Variants in KLK5 observed in about 807,000 individuals in gnomAD.
The protein encoded by KLK5 is kallikrein related peptidase 5.
A neutral mutation model predicts 24.0 loss-of-function variants in KLK5; 18 were observed. The ratio of observed to expected loss-of-function variants is 0.75; its 90% CI spans 0.52 to 1.11. The LOEUF (loss-of-function observed/expected upper bound fraction) is 1.11. Among genes scored for constraint, KLK5 ranks in the 50% most tolerant of loss-of-function variants. The pLI is 0.00. For missense variants in KLK5, 374 were observed against 379.2 expected, an observed-to-expected ratio of 0.99 and a Z score of 0.11; for synonymous variants, 140 against 154.0, an observed-to-expected ratio of 0.91 and a Z score of 0.67.
intron 2 of KLK5, among the ~76,000 whole-genome samples, chr19:50,951,169 A>G (rs1444102317): frequency 3.9e-5 from 6 of 152,058 alleles, no homozygotes; most frequent in Non-Finnish European, 7.4e-5. Flanking sequence ...TGCCTTCTCA[A>G]TCCTGTCAAT....
At chr19:50,948,420 G>T (rs1282308449) in intron 5 of KLK5, among the ~76,000 whole-genome samples, 1 of 152,092 alleles carries the variant, frequency 6.6e-6, no homozygotes, top group Non-Finnish European at 1.5e-5. Flanking sequence ...ACTGCGCCCA[G>T]CCTTTTTTAC....
chr19:50,946,752 G>C (rs976401806), intron 5 of KLK5, among the ~76,000 whole-genome samples: 1 of 151,882 alleles, frequency 6.6e-6, no homozygotes, highest in Non-Finnish European at 1.5e-5. Flanking sequence ...GTAGAGACAG[G>C]GTTTCACCGT....
At chr19:50,952,521 G>T in intron 2 of KLK5, 64 bp downstream of exon 2, 2 of 1,249,726 alleles carry the variant, frequency 1.6e-6, no homozygotes, top group Non-Finnish European at 1.1e-6. Context: ...GGGGACAGGC[G>T]CTCTAGTGCC....
At chr19:50,950,620 G>A (rs113604991) in intron 2 of KLK5, among the ~76,000 whole-genome samples, 2,656 of 152,116 alleles carry the variant, frequency 0.017, 43 homozygotes, top group African/African-American at 0.037. Flanking sequence ...GGCTGGGGGC[G>A]GTGGCTCACG....
At position 50,949,096 on chromosome 19, in the gene KLK5, C is replaced by T. The variant is rs776255261; in HGVS notation, c.355G>A (p.Gly119Ser). The T allele has an allele frequency of 3.3e-5, 54 of 1,612,474 alleles. No homozygotes were observed. Among genetic ancestry groups the T allele is most frequent in the Middle Eastern group, 1.8e-4 (1 of 5,610 alleles). Residue 119 changes from glycine (G) to serine (S), a missense_variant, in exon 4 of 6, where the codon GGC becomes AGC. Coordinates refer to ENST00000336334, the MANE Select transcript of KLK5 (RefSeq NM_012427.5). Reference protein sequence around the residue: ...CRKKVFRVRLGHYSLSPVYES... With the variant: ...CRKKVFRVRLSHYSLSPVYES... ...TAAACTGGTGACAGGGAGTAGTGGCCGAGACGGACTCTGAAAACTCTGAGG... is the reference window on the plus strand; with the variant it reads ...TAAACTGGTGACAGGGAGTAGTGGCTGAGACGGACTCTGAAAACTCTGAGG...
At chr19:50,946,117 G>A (rs1054714468) in intron 5 of KLK5, among the ~76,000 whole-genome samples, 5 of 152,230 alleles carry the variant, frequency 3.3e-5, no homozygotes, top group Non-Finnish European at 7.3e-5. Context: ...CTGTTTCAAA[G>A]CAAACAAGCT....
At chr19:50,945,605 C>T (rs758761939) in intron 5 of KLK5, among the ~76,000 whole-genome samples, 15 of 148,952 alleles carry the variant, frequency 1.0e-4, no homozygotes, top group Non-Finnish European at 2.1e-4. Context: ...CCAGCCTGGC[C>T]AACATGGTGG....
chr19:50,943,843 G>A, intron 5 of KLK5, 57 bp from the exon 6 acceptor site: 1 of 1,448,548 alleles, frequency 6.9e-7, no homozygotes, highest in Non-Finnish European at 9.5e-7. Context: ...GTGGGCAGAA[G>A]GAGACATGAG....
At chr19:50,944,250 G>T (rs535955231) in intron 5 of KLK5, among the ~76,000 whole-genome samples, 1 of 151,824 alleles carries the variant, frequency 6.6e-6, no homozygotes, top group Admixed American at 6.6e-5. Flanking sequence ...CAAGTGATTC[G>T]CCCACCTCAG....
chr19:50,945,275 AT>A (rs10586385), intron 5 of KLK5, among the ~76,000 whole-genome samples: 6,064 of 146,804 alleles, frequency 0.041, 292 homozygotes, highest in African/African-American at 0.12. Flanking sequence ...CACCCGGCTA[AT>A]TTTTTTTTTT....
At position 50,947,845 on chromosome 19, in the gene KLK5, T is replaced by C. The variant is rs759665393; in HGVS notation, c.726+795A>G. Among the ~76,000 whole-genome samples, 3 of 152,110 alleles carry C rather than the reference T, an allele frequency of 2.0e-5. No individual in the cohort carries two copies. The highest frequency in any genetic ancestry group is 4.4e-5 in the Non-Finnish European group (3 of 68,016). ...ATGCAGTGCACAACCTGCCCAACCA[T>C]ACAAAACAGCCCTGATCTTTCCCTC... is the stretch of plus-strand genomic sequence containing the variant. On this transcript the variant is annotated intron_variant, in intron 5 of 5. Coordinates refer to ENST00000336334, the MANE Select transcript of KLK5 (RefSeq NM_012427.5). The surrounding 1 kb of genome is among the most constrained non-coding windows in gnomAD (Gnocchi z 8.7).
At position 50,948,663 on chromosome 19, in the gene KLK5, T is replaced by C. The variant is rs771295800; in HGVS notation, c.703A>G (p.Lys235Glu). The change falls in exon 5 of 6, where the codon AAA becomes GAA. Residue 235 changes from lysine to glutamate, a missense_variant. Physicochemically the swap from Lys to Glu is moderately conservative, Grantham distance 56 (BLOSUM62 1). Coordinates refer to ENST00000336334, the MANE Select transcript of KLK5 (RefSeq NM_012427.5). ...IDDTMFCAGD[K>E]AGRDSCQGDS... The stretch of plus-strand genomic sequence containing the variant: ...ACCTGGCAGGAGTCTCTACCTGCTT[T>C]GTCACCGGCGCAGAACATGGTGTCA... 2 of 1,614,140 alleles carry C rather than the reference T, an allele frequency of 1.2e-6. No homozygotes were observed. Among genetic ancestry groups the C allele is most frequent in the South Asian group, 2.2e-5 (2 of 91,068 alleles).
At chr19:50,949,514 A>G (rs925546143) in intron 3 of KLK5, among the ~76,000 whole-genome samples, 2 of 146,202 alleles carry the variant, frequency 1.4e-5, no homozygotes, top group Non-Finnish European at 3.0e-5. Context: ...TCCCAATTCC[A>G]CCTCCATCCC....
rs563476580 is a variant in KLK5 at position 50,947,300 on chromosome 19, T to C, written c.726+1340A>G. On this transcript the variant is annotated intron_variant, in intron 5 of 5. Transcript: ENST00000336334. This position sits in a 1 kb window ranked among gnomAD's most constrained non-coding sequence, Gnocchi z 8.7. ...CCCCACTTTTGTTCTCCAGTTGCAT[T>C]GGTTTCCTCTTCTTCTTTGAATCAG... Among the ~76,000 whole-genome samples, 4 of 152,324 alleles carry C rather than the reference T, an allele frequency of 2.6e-5. No individual in the cohort carries two copies. The East Asian group carries it at 7.7e-4, about 29-fold the overall frequency.
At position 50,948,878 on chromosome 19, in the gene KLK5, C is replaced by T. The variant is rs766197545; in HGVS notation, c.573G>A (p.Gly191=). 2 of 1,614,026 alleles carry T rather than the reference C, an allele frequency of 1.2e-6. No homozygotes were observed. Among genetic ancestry groups the T allele is most frequent in the East Asian group, 2.2e-5 (1 of 44,878 alleles). The change falls in exon 4 of 6, where the codon GGG becomes GGA. Residue 191 remains glycine, a synonymous_variant. Transcript: ENST00000336334. ...AGTKCLVSGW[G]TTKSPQVHFP... is the part of the protein sequence containing the mutation. ...ACTCACCTTGGGGGCTCTTGGTTGT[C>T]CCCCAGCCAGACACCAAGCACTTTG...
chr19:50,945,072 T>TCTC (rs766794978), intron 5 of KLK5, among the ~76,000 whole-genome samples: 30,343 of 135,812 alleles, frequency 0.22, 4,575 homozygotes, highest in East Asian at 0.78. Context: ...CCTTCCTTCC[T>TCTC]TCCTTTCTCT....
At chr19:50,945,956 C>T (rs535372447) in intron 5 of KLK5, among the ~76,000 whole-genome samples, 2 of 152,138 alleles carry the variant, frequency 1.3e-5, no homozygotes, top group South Asian at 4.1e-4. Context: ...AGTGATCTTC[C>T]CACTTCAGTC....
In KLK5 at chr19:50,948,776, G is replaced by A; in HGVS notation, c.593-3C>T. On this transcript the variant is annotated splice_region_variant and splice_polypyrimidine_tract_variant and intron_variant, in intron 4 of 5. Transcript: ENST00000336334. ...CTGGAGGACCTTAGGGAAGTGCACT[G>A]TCAAACAGGAACACAATGAGAAGTG... 6.2e-7 allele frequency: 1 copy of A among 1,614,150 alleles called. No individual in the cohort carries two copies.
intron 5 of KLK5, among the ~76,000 whole-genome samples, chr19:50,946,897 A>G (rs971414719): frequency 6.6e-6 from 1 of 151,808 alleles, no homozygotes; most frequent in African/African-American, 2.4e-5. Context: ...TCCCCCTCGC[A>G]ACCCACCCCC....
Sources: gnomAD v4.1 joint callset for allele counts (sites outside exome capture counted in the v4.1 genomes callset) on GRCh38, gnomAD v4.1.1 for gene constraint, Gnocchi (gnomAD v3.1) non-coding constraint, MANE v1.5 for transcripts, NCBI Gene and HGNC (gene_info 2026-07-23, HGNC 2026-07-21) for gene names.